The following PTPN11 variants were observed in gnomAD, a reference collection of about 807,000 sequenced individuals.
PTPN11 encodes the protein tyrosine-protein phosphatase non-receptor type 11.
In PTPN11, 6 loss-of-function variants were observed where a neutral mutation model predicts 78.8. That is an observed-to-expected ratio of 0.08 (90% confidence interval 0.04 to 0.15). PTPN11 has a LOEUF of 0.15. Ranked by LOEUF, PTPN11 falls within the 10% of genes least tolerant of loss-of-function variation. The pLI, the probability that PTPN11 is intolerant of heterozygous loss-of-function variation, is 1.00. For synonymous variants in PTPN11, 221 were observed against 263.5 expected (o/e 0.84, Z 1.56); for missense variants, 386 against 744.8 (o/e 0.52, Z 5.61).
At chr12:112,442,830 T>A (rs957257393) in intron 1 of PTPN11, among the ~76,000 whole-genome samples, 119 of 43,484 alleles carry the variant, frequency 2.7e-3, no homozygotes, top group African/African-American at 7.2e-3. Flanking sequence ...CTCTCTCTTT[T>A]TATATATATA....
At position 112,486,771 on chromosome 12, in the gene PTPN11, G is replaced by C; in HGVS notation, c.1379+142G>C. On this transcript the variant is annotated intron_variant, in intron 11 of 15. Coordinates refer to ENST00000351677, the MANE Select transcript of PTPN11 (RefSeq NM_002834.5). ...TTGAGGCATAGAGCAACTGCATTGA[G>C]GGACATTTTGATCCCAAGGCATATT... 2.0e-6 allele frequency: 3 copies of C among 1,506,992 alleles called. No homozygotes were observed. In the South Asian group the frequency reaches 3.8e-5, roughly 19 times the overall value. 93.4% of individuals were successfully genotyped at this position (1,506,992 alleles called of 1,614,324 possible).
At chr12:112,429,528 G>A (rs565288566) in intron 1 of PTPN11, among the ~76,000 whole-genome samples, 19 of 144,596 alleles carry the variant, frequency 1.3e-4, no homozygotes, top group African/African-American at 3.8e-4. Flanking sequence ...TGGGCCAGGC[G>A]CAGTGGCTCA....
chr12:112,431,258 C>T (rs559174445), intron 1 of PTPN11, among the ~76,000 whole-genome samples: 70 of 152,278 alleles, frequency 4.6e-4, no homozygotes, highest in African/African-American at 1.6e-3. Context: ...GCTGCAGATA[C>T]GGTGGTGAAG....
chr12:112,461,755 A>C (rs947240492), intron 6 of PTPN11, among the ~76,000 whole-genome samples: 4 of 152,192 alleles, frequency 2.6e-5, no homozygotes, highest in African/African-American at 9.6e-5. Context: ...GGTGTACTAC[A>C]GGCAAGAGCC....
At chr12:112,453,121 T>A in intron 3 of PTPN11, 74 bp from the exon 4 acceptor site, 1 of 1,258,166 alleles carries the variant, frequency 7.9e-7, no homozygotes, top group South Asian at 1.2e-5. Context: ...GCTGACTGTA[T>A]ACAGTAGTTT....
chr12:112,480,201 C>T (rs1014999398), intron 9 of PTPN11, among the ~76,000 whole-genome samples: 1 of 152,170 alleles, frequency 6.6e-6, no homozygotes, highest in East Asian at 1.9e-4. Context: ...TGGGAGCAGT[C>T]CTCAGTCTTG....
At chr12:112,436,752 AG>A (rs943839274) in intron 1 of PTPN11, among the ~76,000 whole-genome samples, 71 of 148,996 alleles carry the variant, frequency 4.8e-4, no homozygotes, top group African/African-American at 1.7e-3. Flanking sequence ...ACTCAGTGGG[AG>A]GGACTGTGGG....
chr12:112,433,503 T>A (rs779099759), intron 1 of PTPN11, among the ~76,000 whole-genome samples: 2 of 152,270 alleles, frequency 1.3e-5, no homozygotes, highest in African/African-American at 4.8e-5. Flanking sequence ...TTTTACAGAT[T>A]TATTTGTAAA....
chr12:112,489,560 C>G (rs7310987), intron 13 of PTPN11, among the ~76,000 whole-genome samples: 3,554 of 152,250 alleles, frequency 0.023, 146 homozygotes, highest in African/African-American at 0.08. Flanking sequence ...GAATGCCTCA[C>G]TCTTAATAGC....
In PTPN11 at chr12:112,450,486, G is replaced by A. The variant is rs2135862963; in HGVS notation, c.306G>A (p.Leu102=). The change falls in exon 3 of 16, where the codon CTG becomes CTA. Residue 102 remains leucine (L), a synonymous_variant. Transcript: ENST00000351677. ...ATGTCATTGAGCTTAAATATCCTCTGAACTGTGCAGATCCTACCTCTGAAA... is the reference window on the plus strand; with the variant it reads ...ATGTCATTGAGCTTAAATATCCTCTAAACTGTGCAGATCCTACCTCTGAAA... ...NGDVIELKYP[L]NCADPTSERW... 1.2e-6 allele frequency: 2 copies of A among 1,614,058 alleles called. No homozygotes were observed. Among genetic ancestry groups the A allele is most frequent in the Non-Finnish European group, 1.7e-6 (2 of 1,179,950 alleles).
In PTPN11 at chr12:112,455,994, A is replaced by T; in HGVS notation, c.687A>T (p.Arg229Ser). 6.2e-7 allele frequency: 1 copy of T among 1,613,116 alleles called. No homozygotes were observed. The highest frequency in any genetic ancestry group is 8.5e-7 in the Non-Finnish European group (1 of 1,179,346). Residue 229 changes from arginine (R) to serine (S), a missense_variant, in exon 6 of 16, where the codon AGA becomes AGT. This residue lies in a region of PTPN11 where 279 missense variants were observed against 503.3 expected (regional missense o/e 0.55). Transcript: ENST00000351677. ...TAAATGCTGCTGAAATAGAAAGCAGAGTTCGAGAACTAAGCAAATTAGCTG... is the reference window on the plus strand; with the variant it reads ...TAAATGCTGCTGAAATAGAAAGCAGTGTTCGAGAACTAAGCAAATTAGCTG... ...TRINAAEIES[R>S]VRELSKLAET...
At chr12:112,464,558 G>C (rs1040205094) in intron 6 of PTPN11, among the ~76,000 whole-genome samples, 2 of 152,056 alleles carry the variant, frequency 1.3e-5, no homozygotes, top group African/African-American at 4.8e-5. Flanking sequence ...AGGTAGCTGG[G>C]ATTACAGGCA....
intron 4 of PTPN11, 87 bp from the exon 5 acceptor site, chr12:112,454,477 A>G: frequency 1.0e-6 from 1 of 964,272 alleles, no homozygotes. Flanking sequence ...TATTGTGAAT[A>G]ATGCTGCAGT....
chr12:112,419,856 A>C (rs1386810401), intron 1 of PTPN11, among the ~76,000 whole-genome samples: 2 of 152,240 alleles, frequency 1.3e-5, no homozygotes, highest in African/African-American at 4.8e-5. Flanking sequence ...GCCCAGAAGC[A>C]ACATGCTAGT....
intron 13 of PTPN11, among the ~76,000 whole-genome samples, chr12:112,499,779 C>T (rs368738154): frequency 9.3e-5 from 14 of 150,350 alleles, no homozygotes; most frequent in Middle Eastern, 3.6e-3. Flanking sequence ...ATGAGACCCC[C>T]TCTCTACAAA....
chr12:112,499,694 A>T (rs1321132125), intron 13 of PTPN11, among the ~76,000 whole-genome samples: 2 of 152,160 alleles, frequency 1.3e-5, no homozygotes, highest in South Asian at 2.1e-4. Flanking sequence ...TCATGCCTGT[A>T]AACCCAGCAC....
Position 112,489,141 on chromosome 12 carries a change from T to C in PTPN11, c.1565T>C (p.Ile522Thr). ...RFIYMAVQHY[I>T]ETLQRRIEEE... ...ATCTATATGGCGGTCCAGCATTATA[T>C]TGAAACACTACAGCGCAGGATTGAA... is the stretch of plus-strand genomic sequence containing the variant. Residue 522 changes from isoleucine (I) to threonine (T), a missense_variant, in exon 13 of 16, where the codon ATT (isoleucine) becomes ACT (threonine). This residue lies in a region of PTPN11 where 63 missense variants were observed against 182.2 expected (regional missense o/e 0.35). Coordinates refer to ENST00000351677, the MANE Select transcript of PTPN11 (RefSeq NM_002834.5). The C allele has an allele frequency of 2.5e-6, 4 of 1,614,192 alleles. No individual in the cohort carries two copies. Among genetic ancestry groups the C allele is most frequent in the Non-Finnish European group, 2.5e-6 (3 of 1,180,038 alleles).
intron 7 of PTPN11, among the ~76,000 whole-genome samples, chr12:112,477,180 C>A (rs1347468268): frequency 2.6e-5 from 4 of 152,056 alleles, no homozygotes; most frequent in Non-Finnish European, 5.9e-5. Flanking sequence ...ACATGCCTGG[C>A]TAATTTTTGT....
chr12:112,432,143 C>G (rs1036756014), intron 1 of PTPN11, among the ~76,000 whole-genome samples: 6 of 152,156 alleles, frequency 3.9e-5, no homozygotes, highest in Non-Finnish European at 8.8e-5. Flanking sequence ...TAACATGGTA[C>G]CATTTTCCAT....
Sources: gnomAD v4.1 joint callset for allele counts (sites outside exome capture counted in the v4.1 genomes callset) on GRCh38, gnomAD v4.1.1 for gene constraint, gnomAD v4.1.1 regional missense constraint, MANE v1.5 for transcripts, NCBI Gene and HGNC (gene_info 2026-07-23, HGNC 2026-07-21) for gene names.